CHCHD3: variants seen among roughly 807,000 people sequenced by gnomAD.
CHCHD3 encodes coiled-coil-helix-coiled-coil-helix domain containing 3.
In CHCHD3, 20 loss-of-function variants were observed where a neutral mutation model predicts 38.2. That is an observed-to-expected ratio of 0.52 (90% CI 0.37 to 0.76). CHCHD3 has a LOEUF of 0.76. CHCHD3 is among the 30% of genes least tolerant of loss of function. CHCHD3 has a pLI of 0.00. For missense variants in CHCHD3, 245 were observed against 279.2 expected (o/e 0.88, Z 0.87); for synonymous variants, 82 against 100.0 (o/e 0.82, Z 1.07).
chr7:133,033,549 C>A (rs1475464152), intron 2 of CHCHD3, among the ~76,000 whole-genome samples: 14 of 152,128 alleles, frequency 9.2e-5, no homozygotes, highest in Middle Eastern at 3.2e-3. Flanking sequence ...CTAAAATATT[C>A]ACCCTGATAA....
chr7:133,024,688 A>T, intron 2 of CHCHD3, 61 bp from the exon 3 acceptor site: 1 of 1,255,630 alleles, frequency 8.0e-7, no homozygotes. Flanking sequence ...TAAAAGCAAG[A>T]AAATACTCAG....
At chr7:132,976,864 C>T (rs1227578395) in intron 3 of CHCHD3, among the ~76,000 whole-genome samples, 2 of 151,944 alleles carry the variant, frequency 1.3e-5, no homozygotes, top group African/African-American at 2.4e-5. Flanking sequence ...AAAAAGTCAC[C>T]TTGTGAGATA....
At chr7:132,996,891 C>T (rs1344125797) in intron 3 of CHCHD3, among the ~76,000 whole-genome samples, 1 of 152,236 alleles carries the variant, frequency 6.6e-6, no homozygotes, top group Non-Finnish European at 1.5e-5. Flanking sequence ...CTTCGGCATA[C>T]TGCCTACATG....
chr7:132,866,903 C>A (rs992971591), intron 5 of CHCHD3, among the ~76,000 whole-genome samples: 2 of 152,186 alleles, frequency 1.3e-5, no homozygotes, highest in South Asian at 4.1e-4. Flanking sequence ...GATCTGCCAG[C>A]AGGCTTCTCC....
Position 133,050,969 on chromosome 7 carries a change from T to C in CHCHD3, c.169+19173A>G, listed in dbSNP as rs1031814664. Among the ~76,000 whole-genome samples, 6 of 152,278 alleles carry C rather than the reference T, an allele frequency of 3.9e-5. No homozygotes were observed. In the South Asian group the frequency reaches 6.2e-4, roughly 16 times the overall value. On this transcript the variant is annotated intron_variant, in intron 2 of 7. Transcript: ENST00000262570. Reference sequence around the variant, plus strand: ...AGGCAGAGACTGCAGTGAGCTGAGATTGAACCACTGCTCTCCAGGCTGGGT... The same window carrying C: ...AGGCAGAGACTGCAGTGAGCTGAGACTGAACCACTGCTCTCCAGGCTGGGT...
At chr7:133,044,193 T>C (rs1486362848) in intron 2 of CHCHD3, among the ~76,000 whole-genome samples, 1 of 152,230 alleles carries the variant, frequency 6.6e-6, no homozygotes, top group Non-Finnish European at 1.5e-5. Context: ...TTGCCTGATC[T>C]CTACTAACAA....
intron 6 of CHCHD3, among the ~76,000 whole-genome samples, chr7:132,831,563 T>A (rs148955423): frequency 2.0e-5 from 3 of 152,262 alleles, no homozygotes; most frequent in African/African-American, 7.2e-5. Flanking sequence ...ACTGACAAAT[T>A]GCAAGAACTC....
intron 6 of CHCHD3, among the ~76,000 whole-genome samples, chr7:132,817,820 AG>A (rs1228878958): frequency 9.2e-5 from 14 of 152,062 alleles, no homozygotes; most frequent in Admixed American, 9.2e-4. Context: ...TTGACCCAGG[AG>A]GTCAAGGCTG....
At chr7:132,821,591 G>C (rs776528404) in intron 6 of CHCHD3, among the ~76,000 whole-genome samples, 3 of 152,060 alleles carry the variant, frequency 2.0e-5, no homozygotes, top group East Asian at 1.9e-4. Flanking sequence ...AGCAAAACTT[G>C]TAGTATATTA....
chr7:132,930,325 C>T (rs1197293016), intron 4 of CHCHD3, among the ~76,000 whole-genome samples: 1 of 152,066 alleles, frequency 6.6e-6, no homozygotes, highest in East Asian at 1.9e-4. Flanking sequence ...TGCCACCATG[C>T]CCGGCTAATT....
chr7:132,881,100 T>C (rs1809041056), intron 5 of CHCHD3, among the ~76,000 whole-genome samples: 1 of 152,180 alleles, frequency 6.6e-6, no homozygotes, highest in Admixed American at 6.5e-5. Flanking sequence ...TCTTTTCAAA[T>C]GGCTTTGACC....
rs1480438427 is a variant in CHCHD3 at position 133,035,479 on chromosome 7, T to C, written c.170-10852A>G. 1 of 1,613,468 alleles carries C rather than the reference T, an allele frequency of 6.2e-7. No homozygotes were observed. Among genetic ancestry groups the C allele is most frequent in the South Asian group, 1.1e-5 (1 of 91,054 alleles). ...CGTTCGCCCACCAGAAAAGTCCTCG[T>C]CTTCAAGTAAGCATCCAGCAGCCCC... On this transcript the variant is annotated intron_variant, in intron 2 of 7. Coordinates refer to ENST00000262570, the MANE Select transcript of CHCHD3 (RefSeq NM_017812.4). This position sits in a 1 kb window ranked among gnomAD's most constrained non-coding sequence, Gnocchi z 4.7.
At chr7:133,047,947 G>GAGT (rs1484198586) in intron 2 of CHCHD3, among the ~76,000 whole-genome samples, 6 of 152,170 alleles carry the variant, frequency 3.9e-5, no homozygotes, top group African/African-American at 1.2e-4. Flanking sequence ...AATTAGCCAA[G>GAGT]TGTGGTGGCA....
intron 6 of CHCHD3, among the ~76,000 whole-genome samples, chr7:132,826,546 G>T (rs1807513453): frequency 6.6e-6 from 1 of 152,124 alleles, no homozygotes; most frequent in African/African-American, 2.4e-5. Flanking sequence ...ACTCACAAAA[G>T]GAACACAGCA....
chr7:133,080,629 A>T (rs1815146033), intron 1 of CHCHD3, among the ~76,000 whole-genome samples: 1 of 152,252 alleles, frequency 6.6e-6, no homozygotes, highest in Non-Finnish European at 1.5e-5. Flanking sequence ...ACTGAAACAC[A>T]ATAACTCAAA....
chr7:133,080,440 C>T (rs1043583307), intron 1 of CHCHD3, among the ~76,000 whole-genome samples: 5 of 152,166 alleles, frequency 3.3e-5, no homozygotes, highest in African/African-American at 9.7e-5. Context: ...TACTAAAGCA[C>T]GAGAATATGG....
At chr7:132,832,716 C>G (rs1192520542) in intron 6 of CHCHD3, among the ~76,000 whole-genome samples, 1 of 152,138 alleles carries the variant, frequency 6.6e-6, no homozygotes, top group Non-Finnish European at 1.5e-5. Flanking sequence ...AAAAACAATT[C>G]ACATGCATAA....
chr7:132,999,057 G>A (rs956948424), intron 3 of CHCHD3, among the ~76,000 whole-genome samples: 3 of 152,044 alleles, frequency 2.0e-5, no homozygotes, highest in African/African-American at 7.3e-5. Flanking sequence ...GGAGGTTGAG[G>A]CCGCAGTGCA....
At chr7:132,925,399 A>C (rs1413299023) in intron 4 of CHCHD3, among the ~76,000 whole-genome samples, 2 of 152,210 alleles carry the variant, frequency 1.3e-5, no homozygotes, top group Admixed American at 1.3e-4. Flanking sequence ...CAGAAATTTC[A>C]CTACCACTTT....
Sources: allele counts gnomAD v4.1 joint callset (sites outside exome capture counted in the v4.1 genomes callset), GRCh38; gene constraint gnomAD v4.1.1; non-coding constraint Gnocchi (gnomAD v3.1); transcripts MANE v1.5; gene names NCBI Gene and HGNC (gene_info 2026-07-23, HGNC 2026-07-21).